Variants in GLS2 observed in about 807,000 individuals in gnomAD.
GLS2 encodes the protein glutaminase liver isoform, mitochondrial.
A neutral mutation model predicts 79.0 loss-of-function variants in GLS2; 52 were observed. The ratio of observed to expected loss-of-function variants is 0.66; its 90% CI spans 0.53 to 0.83. The LOEUF (loss-of-function observed/expected upper bound fraction) is 0.83, where lower values mean the gene tolerates loss of function less well. GLS2 is among the 40% of genes least tolerant of loss of function. The pLI is 0.00. For missense variants in GLS2, 561 were observed against 764.8 expected, an observed-to-expected ratio of 0.73 and a Z score of 3.14; for synonymous variants, 238 against 280.8, an observed-to-expected ratio of 0.85 and a Z score of 1.52.
At chr12:56,473,438 A>C in intron 13 of GLS2, 25 bp downstream of exon 13, 1 of 1,605,700 alleles carries the variant, frequency 6.2e-7, no homozygotes, top group South Asian at 1.1e-5. Context: ...CAAAAATAGT[A>C]AGTACTATAT....
At position 56,472,174 on chromosome 12, in the gene GLS2, A is replaced by ATCCATG. The variant is rs1293621050; in HGVS notation, c.1527_1532dup (p.Asp511_Met512dup). On this transcript the variant is annotated inframe_insertion, in exon 16 of 18. Transcript: ENST00000311966. ...GCGAGTCATAGTCTTTCTGTTCCAT[A>ATCCATG]TCCATGGCTGACAAGGCAAACCTGA... is the stretch of plus-strand genomic sequence containing the variant. 1 of 1,614,050 alleles carries ATCCATG rather than the reference A, an allele frequency of 6.2e-7. No individual in the cohort carries two copies. Among genetic ancestry groups the ATCCATG allele is most frequent in the African/African-American group, 1.3e-5 (1 of 74,914 alleles).
intron 3 of GLS2, 189 bp downstream of exon 3, chr12:56,479,591 G>T: frequency 3.1e-6 from 2 of 641,790 alleles, no homozygotes; most frequent in Middle Eastern, 4.5e-4. Context: ...GAGTAGGGAG[G>T]GAAAGGAGAA....
intron 1 of GLS2, among the ~76,000 whole-genome samples, chr12:56,483,463 A>G (rs1870457262): frequency 6.6e-6 from 1 of 152,194 alleles, no homozygotes; most frequent in Non-Finnish European, 1.5e-5. Context: ...ATATTCATAT[A>G]ATGCAATATT....
chr12:56,478,883 C>G lies in GLS2; in HGVS notation c.534+169G>C, dbSNP rs573701206. The G allele has an allele frequency of 3.8e-4, 293 of 770,548 alleles. 2 individuals carry two copies. In the East Asian group the frequency reaches 8.0e-3, roughly 21 times the overall value. The allele number at this position is 770,548 out of a possible 1,614,324, so 47.7% of individuals were successfully genotyped here. A position where few individuals can be genotyped will look rare whatever the true frequency, so the allele number is the denominator to read the frequency against. Reference sequence around the variant, plus strand: ...TGGTGTATGCCAGCTACTCGGGAGGCTGAGACAGGAGAATCGCTTGAACCT... The same window carrying G: ...TGGTGTATGCCAGCTACTCGGGAGGGTGAGACAGGAGAATCGCTTGAACCT... On this transcript the variant is annotated intron_variant, in intron 4 of 17. Coordinates refer to ENST00000311966, the MANE Select transcript of GLS2 (RefSeq NM_013267.4).
At chr12:56,482,726 C>G (rs1227451780) in intron 1 of GLS2, among the ~76,000 whole-genome samples, 1 of 152,146 alleles carries the variant, frequency 6.6e-6, no homozygotes, top group African/African-American at 2.4e-5. Flanking sequence ...TCTTAGTTTT[C>G]AAGATTTCCA....
chr12:56,474,967 G>C, intron 10 of GLS2, 71 bp from the exon 11 acceptor site: 1 of 1,613,696 alleles, frequency 6.2e-7, no homozygotes, highest in Non-Finnish European at 8.5e-7. Flanking sequence ...GGTCTCAGCT[G>C]AAGCCCCCAA....
Position 56,475,101 on chromosome 12 carries a change from T to A in GLS2, c.939A>T (p.Ser313=). 1.2e-6 allele frequency: 2 copies of A among 1,614,138 alleles called. No homozygotes were observed. Among genetic ancestry groups the A allele is most frequent in the East Asian group, 2.2e-5 (1 of 44,878 alleles). ...AATTCCGATCCCCTGTTTCCTTCTC[T>A]GACTGGAATCTGAAGCAAACACCCA... is the stretch of plus-strand genomic sequence containing the variant. ...YMGFSNATFQ[S]EKETGDRNYA... is the part of the protein sequence containing the mutation. The change falls in exon 10 of 18, where the codon TCA becomes TCT. Residue 313 remains serine (S), a synonymous_variant. Transcript: ENST00000311966.
In GLS2 at chr12:56,475,485, CAG is replaced by C; in HGVS notation, c.929+137_929+138del. 4.8e-6 allele frequency: 4 copies of C among 836,194 alleles called. No individual in the cohort carries two copies. In the South Asian group the frequency reaches 5.1e-5, roughly 11 times the overall value. 51.8% of individuals were successfully genotyped at this position (836,194 alleles called of 1,614,324 possible). ...ATAAACAAATGTTTATGAAGGGACT[CAG>C]AGGAAGCTGGAGGGCCAAAGTTCCC... On this transcript the variant is annotated intron_variant, in intron 9 of 17. Transcript: ENST00000311966.
Position 56,488,009 on chromosome 12 carries a change from C to A in GLS2, c.110G>T (p.Arg37Leu). The change falls in exon 1 of 18, where the codon CGG becomes CTG. Residue 37 changes from arginine (R) to leucine (L), a missense_variant. By Grantham distance (102) the Arg-to-Leu change is moderately radical. Transcript: ENST00000311966. ...SRSPLLGGGV[R>L]HHLSEAAAQG... is the part of the protein sequence containing the mutation. ...CGCCGCGGCCTCACTGAGGTGGTGC[C>A]GGACGCCCCCGCCAAGGAGGGGGCT... 6.3e-7 allele frequency: 1 copy of A among 1,598,598 alleles called. No individual in the cohort carries two copies. The highest frequency in any genetic ancestry group is 1.1e-5 in the South Asian group (1 of 90,492).
Position 56,471,805 on chromosome 12 carries a change from C to G in GLS2, c.1620G>C (p.Glu540Asp). ...TGGCAAAAGGATTCACTTTGCAAGC[C>G]TCGATCAGGAATTTAACAACTTCGA... ...GHIEVVKFLI[E>D]ACKVNPFAKD... Residue 540 changes from glutamate (E) to aspartate (D), a missense_variant, in exon 17 of 18, where the codon GAG becomes GAC. By Grantham distance (45) the Glu-to-Asp change is conservative (BLOSUM62 2). This residue lies in a region of GLS2 where 136 missense variants were observed against 228.6 expected (regional missense o/e 0.59). Transcript: ENST00000311966. 1 of 1,614,054 alleles carries G rather than the reference C, an allele frequency of 6.2e-7. No individual in the cohort carries two copies. The highest frequency in any genetic ancestry group is 8.5e-7 in the Non-Finnish European group (1 of 1,180,032).
chr12:56,475,775 G>T, intron 8 of GLS2, 93 bp from the exon 9 acceptor site: 1 of 1,449,178 alleles, frequency 6.9e-7, no homozygotes, highest in Non-Finnish European at 9.6e-7. Flanking sequence ...CTCAGGTCTT[G>T]TCAAGAGGCT....
intron 15 of GLS2, chr12:56,472,449 A>G (rs551567229): frequency 2.0e-4 from 123 of 603,480 alleles, no homozygotes; most frequent in African/African-American, 1.6e-3. Context: ...GAGGCAGGGT[A>G]CCTACTTCCT....
At chr12:56,483,922 T>C (rs1870493613) in intron 1 of GLS2, among the ~76,000 whole-genome samples, 1 of 152,110 alleles carries the variant, frequency 6.6e-6, no homozygotes, top group Non-Finnish European at 1.5e-5. Flanking sequence ...GGGAAAAATA[T>C]ATATGTGTTT....
Position 56,486,946 on chromosome 12 carries a change from T to C in GLS2, c.182+991A>G, listed in dbSNP as rs1326022514. Among the ~76,000 whole-genome samples the C allele has an allele frequency of 8.0e-5, 5 of 62,194 alleles. No individual in the cohort carries two copies. The East Asian group carries it at 1.7e-3, about 21-fold the overall frequency. 40.8% of individuals were successfully genotyped at this position (62,194 alleles called of 152,430 possible). On this transcript the variant is annotated intron_variant, in intron 1 of 17. Coordinates refer to ENST00000311966, the MANE Select transcript of GLS2 (RefSeq NM_013267.4). Reference sequence around the variant, plus strand: ...TCCCTTACGACAGAGACTCGAGTAGTGGTGAGGTAGTGTTGTGTCAGAGAC... The same window carrying C: ...TCCCTTACGACAGAGACTCGAGTAGCGGTGAGGTAGTGTTGTGTCAGAGAC...
At chr12:56,483,899 C>T (rs1284237641) in intron 1 of GLS2, among the ~76,000 whole-genome samples, 1 of 151,632 alleles carries the variant, frequency 6.6e-6, no homozygotes, top group East Asian at 1.9e-4. Flanking sequence ...CAGGTTGAAG[C>T]ACAGGTTTAA....
rs1396296705 is a variant in GLS2, at chr12:56,473,535, G to T, written c.1284C>A (p.Val428=). 7 of 1,613,530 alleles carry T rather than the reference G, an allele frequency of 4.3e-6. No homozygotes were observed. The highest frequency in any genetic ancestry group is 3.4e-6 in the Non-Finnish European group (4 of 1,180,022). ...SGAILLVVPN[V]MGMMCLSPPL... The stretch of plus-strand genomic sequence containing the variant: ...GGGGTGACAGGCACATCATTCCCAT[G>T]ACATTGGGTACCACCAGGAGGATGG... Residue 428 remains valine, a synonymous_variant, in exon 13 of 18, where the codon GTC becomes GTA. Coordinates refer to ENST00000311966, the MANE Select transcript of GLS2 (RefSeq NM_013267.4).
intron 9 of GLS2, 111 bp downstream of exon 9, chr12:56,475,513 C>T (rs1209656692): frequency 5.2e-6 from 6 of 1,152,096 alleles, no homozygotes; most frequent in Non-Finnish European, 7.5e-6. Context: ...CAAAGTTCCC[C>T]TGGGATTTCT....
intron 1 of GLS2, among the ~76,000 whole-genome samples, chr12:56,485,431 AT>A (rs1360484028): frequency 2.2e-3 from 309 of 141,138 alleles, no homozygotes; most frequent in Middle Eastern, 3.7e-3. Flanking sequence ...TAATTTCTGT[AT>A]TTTTTTTTTT....
chr12:56,480,981 G>A (rs574363763), intron 1 of GLS2, among the ~76,000 whole-genome samples: 3 of 152,302 alleles, frequency 2.0e-5, no homozygotes, highest in African/African-American at 7.2e-5. Context: ...GGGTAGTAAT[G>A]TCTACTTCAC....
Sources: gnomAD v4.1 joint callset for allele counts (sites outside exome capture counted in the v4.1 genomes callset) on GRCh38, gnomAD v4.1.1 for gene constraint, gnomAD v4.1.1 regional missense constraint, MANE v1.5 for transcripts, NCBI Gene and HGNC (gene_info 2026-07-23, HGNC 2026-07-21) for gene names.